TOX2: variants seen among roughly 807,000 people sequenced by gnomAD.
TOX2 encodes TOX high mobility group box family member 2.
In TOX2, 15 loss-of-function variants were observed where a neutral mutation model predicts 47.4. The ratio of observed to expected loss-of-function variants is 0.32; its 90% confidence interval spans 0.21 to 0.49. The LOEUF (loss-of-function observed/expected upper bound fraction) is 0.49. TOX2 is among the 20% of genes least tolerant of loss of function. The pLI is 0.99. For missense variants in TOX2, 622 were observed against 673.1 expected, an observed-to-expected ratio of 0.92 and a Z score of 0.84; for synonymous variants, 290 against 296.6, an observed-to-expected ratio of 0.98 and a Z score of 0.23.
chr20:44,068,034 C>T (rs572720527), intron 8 of TOX2, among the ~76,000 whole-genome samples: 28 of 152,296 alleles, frequency 1.8e-4, no homozygotes, highest in African/African-American at 3.1e-4. Flanking sequence ...GTGACCAGCG[C>T]GCATGCCCCA....
At chr20:44,044,939 G>A (rs183364478) in intron 3 of TOX2, among the ~76,000 whole-genome samples, 1 of 152,300 alleles carries the variant, frequency 6.6e-6, no homozygotes, top group Non-Finnish European at 1.5e-5. Flanking sequence ...GCCTTAAAAA[G>A]GGAAGAAAGT....
At chr20:44,025,416 G>A (rs1035210575) in intron 3 of TOX2, among the ~76,000 whole-genome samples, 2 of 69,202 alleles carry the variant, frequency 2.9e-5, no homozygotes, top group Admixed American at 1.6e-4. Context: ...GGCAAGTGGT[G>A]TCCTCTGAAG....
At chr20:43,917,706 C>T (rs748632172) in intron 1 of TOX2, among the ~76,000 whole-genome samples, 2 of 152,072 alleles carry the variant, frequency 1.3e-5, no homozygotes, top group Non-Finnish European at 2.9e-5. Flanking sequence ...ATTGGTTGTT[C>T]TTTTGGTATC....
intron 5 of TOX2, among the ~76,000 whole-genome samples, chr20:44,056,016 A>G (rs537432980): frequency 6.6e-6 from 1 of 152,288 alleles, no homozygotes. Flanking sequence ...GAGGGCAGCC[A>G]GGAAAGGGCA....
At chr20:44,060,143 A>G (rs1031461226) in intron 5 of TOX2, among the ~76,000 whole-genome samples, 1 of 152,236 alleles carries the variant, frequency 6.6e-6, no homozygotes, top group Non-Finnish European at 1.5e-5. Context: ...AAGCAACGGC[A>G]GTTGAAAAAG....
chr20:43,942,269 C>G (rs761291136), intron 1 of TOX2, among the ~76,000 whole-genome samples: 20 of 152,220 alleles, frequency 1.3e-4, no homozygotes, highest in Non-Finnish European at 2.6e-4. Flanking sequence ...TAAACAGAGG[C>G]TCAGAGAGGA....
At chr20:43,958,406 C>T (rs888117483) in intron 1 of TOX2, among the ~76,000 whole-genome samples, 1 of 152,216 alleles carries the variant, frequency 6.6e-6, no homozygotes, top group Admixed American at 6.5e-5. Context: ...CTTCCCCTTC[C>T]CCAGCACACA....
chr20:44,064,779 C>G lies in TOX2; in HGVS notation c.882C>G (p.Ala294=), dbSNP rs371337551. 124 of 1,614,004 alleles carry G rather than the reference C, an allele frequency of 7.7e-5. No homozygotes were observed. The highest frequency in any genetic ancestry group is 1.0e-4 in the Non-Finnish European group (119 of 1,180,010). Residue 294 remains alanine, a splice_region_variant and synonymous_variant, in exon 6 of 9, where the codon GCC becomes GCG. Transcript: ENST00000341197. ...TGCTCATGTGTTGACTCTTCCAGGC[C>G]TACAAGAGGAAGACAGAAGCAGCAA... ...WDSLGEEQKQ[A]YKRKTEAAKK...
At chr20:44,024,304 A>G (rs530633074) in intron 3 of TOX2, among the ~76,000 whole-genome samples, 1 of 152,194 alleles carries the variant, frequency 6.6e-6, no homozygotes, top group Admixed American at 6.5e-5. Flanking sequence ...GGGTTTATCC[A>G]TCTTATTGCT....
intron 3 of TOX2, among the ~76,000 whole-genome samples, chr20:44,033,230 C>T (rs890475119): frequency 2.0e-5 from 3 of 152,080 alleles, no homozygotes; most frequent in African/African-American, 7.3e-5. Context: ...CTCTTTTCCT[C>T]TCTTTTGTGC....
chr20:43,983,752 G>A (rs752142158), intron 2 of TOX2, among the ~76,000 whole-genome samples: 2 of 152,164 alleles, frequency 1.3e-5, no homozygotes, highest in Non-Finnish European at 2.9e-5. Context: ...TTAGGCTCAG[G>A]CTCAGGGGCT....
At chr20:44,008,375 C>T (rs1228079793) in intron 3 of TOX2, among the ~76,000 whole-genome samples, 4 of 152,034 alleles carry the variant, frequency 2.6e-5, no homozygotes, top group Non-Finnish European at 5.9e-5. Context: ...TCCTGGTCAA[C>T]ATGGTGAAAT....
intron 8 of TOX2, among the ~76,000 whole-genome samples, chr20:44,067,738 C>A (rs1474584961): frequency 6.6e-6 from 1 of 152,138 alleles, no homozygotes; most frequent in Admixed American, 6.5e-5. Flanking sequence ...GACCTTTCAA[C>A]AACCGCAGCC....
intron 3 of TOX2, among the ~76,000 whole-genome samples, chr20:44,039,415 A>C (rs544712257): frequency 6.6e-6 from 1 of 152,258 alleles, no homozygotes; most frequent in East Asian, 1.9e-4. Context: ...TGAGAGATGG[A>C]GAGCAGGGAG....
chr20:43,919,232 G>GC (rs1174447753), intron 1 of TOX2, among the ~76,000 whole-genome samples: 4 of 152,202 alleles, frequency 2.6e-5, no homozygotes, highest in African/African-American at 9.7e-5. Context: ...ACTGTGCACA[G>GC]CAACTGATGC....
chr20:44,056,844 A>G (rs1387311021), intron 5 of TOX2, among the ~76,000 whole-genome samples: 2 of 152,222 alleles, frequency 1.3e-5, no homozygotes, highest in Non-Finnish European at 1.5e-5. Context: ...AGGTTTAAAA[A>G]AAGTGTCTAT....
At chr20:44,042,940 G>A (rs1347261709) in intron 3 of TOX2, among the ~76,000 whole-genome samples, 1 of 152,214 alleles carries the variant, frequency 6.6e-6, no homozygotes, top group Non-Finnish European at 1.5e-5. Flanking sequence ...AAGGGAAAGG[G>A]AGAAGTCAGG....
At chr20:43,944,886 TA>T (rs2069445021) in intron 1 of TOX2, among the ~76,000 whole-genome samples, 1 of 152,244 alleles carries the variant, frequency 6.6e-6, no homozygotes, top group Non-Finnish European at 1.5e-5. Context: ...CAGGCAGAGC[TA>T]GGATTCGAAC....
At chr20:43,925,145 ACT>A (rs2069151075) in intron 1 of TOX2, among the ~76,000 whole-genome samples, 1 of 150,392 alleles carries the variant, frequency 6.6e-6, no homozygotes, top group East Asian at 1.9e-4. Flanking sequence ...CCTGCATTTA[ACT>A]CTGTTTTATT....
Sources: gnomAD v4.1 joint callset for allele counts (sites outside exome capture counted in the v4.1 genomes callset) on GRCh38, gnomAD v4.1.1 for gene constraint, MANE v1.5 for transcripts, NCBI Gene and HGNC (gene_info 2026-07-23, HGNC 2026-07-21) for gene names.